Variants in ITSN1 observed in about 807,000 individuals in gnomAD.
ITSN1 encodes intersectin-1.
ITSN1 carries 58 observed loss-of-function variants against 239.8 expected under a neutral mutation model. The observed-to-expected ratio is 0.24, with a 90% confidence interval of 0.20 to 0.30. The LOEUF (loss-of-function observed/expected upper bound fraction) is 0.30. ITSN1 is among the 10% of genes least tolerant of loss of function. The pLI, the probability that ITSN1 is intolerant of heterozygous loss-of-function variation, is 1.00. For synonymous variants in ITSN1, 780 were observed against 770.8 expected, an observed-to-expected ratio of 1.01 and a Z score of -0.20; for missense variants, 1,558 against 2,103.3, an observed-to-expected ratio of 0.74 and a Z score of 5.07.
At chr21:33,845,014 C>T (rs2074947195) in intron 29 of ITSN1, among the ~76,000 whole-genome samples, 2 of 152,118 alleles carry the variant, frequency 1.3e-5, no homozygotes, top group South Asian at 2.1e-4. Flanking sequence ...GTTTACCTCT[C>T]CCGCTGCCCA....
At chr21:33,713,044 AT>A (rs1212876653) in intron 1 of ITSN1, among the ~76,000 whole-genome samples, 1 of 151,312 alleles carries the variant, frequency 6.6e-6, no homozygotes, top group Non-Finnish European at 1.5e-5. Context: ...CGCCCATCTA[AT>A]TTTTGTATTT....
intron 5 of ITSN1, 175 bp downstream of exon 5, chr21:33,735,379 A>G (rs2066433403): frequency 1.4e-6 from 1 of 725,768 alleles, no homozygotes; most frequent in Non-Finnish European, 2.5e-6. Context: ...GCATGTTCAC[A>G]TTTGAACCCT....
At chr21:33,784,166 A>G (rs1260470233) in intron 16 of ITSN1, among the ~76,000 whole-genome samples, 3 of 152,260 alleles carry the variant, frequency 2.0e-5, no homozygotes, top group South Asian at 4.1e-4. Flanking sequence ...AATTAATATG[A>G]TGAGTTTAAA....
chr21:33,849,450 C>T (rs1037964304), intron 29 of ITSN1, among the ~76,000 whole-genome samples: 1 of 151,678 alleles, frequency 6.6e-6, no homozygotes, highest in African/African-American at 2.4e-5. Flanking sequence ...CCTGTAATCC[C>T]AGCTACTCGG....
chr21:33,776,544 CAAAA>C (rs34789155), intron 14 of ITSN1, among the ~76,000 whole-genome samples: 2 of 88,794 alleles, frequency 2.3e-5, no homozygotes, highest in African/African-American at 3.7e-5. Flanking sequence ...AGACCCTGTT[CAAAA>C]AAAAAAAAAA....
At chr21:33,809,422 C>G (rs1019981965) in intron 20 of ITSN1, among the ~76,000 whole-genome samples, 6 of 152,106 alleles carry the variant, frequency 3.9e-5, no homozygotes, top group Admixed American at 3.9e-4. Context: ...TAAGCCTTGC[C>G]TTGCATTCTG....
intron 1 of ITSN1, among the ~76,000 whole-genome samples, chr21:33,710,280 G>A (rs951572430): frequency 3.3e-5 from 5 of 151,728 alleles, no homozygotes; most frequent in African/African-American, 1.2e-4. Flanking sequence ...GGGTTTCACC[G>A]TGTTAGCCAG....
intron 1 of ITSN1, among the ~76,000 whole-genome samples, chr21:33,687,151 G>A (rs761033709): frequency 4.6e-5 from 7 of 151,898 alleles, no homozygotes; most frequent in Non-Finnish European, 7.4e-5. Context: ...GGCCAAAATG[G>A]TGAAACCCTG....
At chr21:33,654,553 C>T (rs2088865069) in intron 1 of ITSN1, among the ~76,000 whole-genome samples, 1 of 152,104 alleles carries the variant, frequency 6.6e-6, no homozygotes, top group Non-Finnish European at 1.5e-5. Context: ...TCAACCTACA[C>T]ATCCAATTTC....
At chr21:33,860,052 A>ATCCCC (rs1225378098) in intron 31 of ITSN1, among the ~76,000 whole-genome samples, 1 of 152,148 alleles carries the variant, frequency 6.6e-6, no homozygotes, top group Non-Finnish European at 1.5e-5. Context: ...CATGCCTGTA[A>ATCCCC]TCCCAGTGCT....
At chr21:33,691,938 G>T (rs1419292947) in intron 1 of ITSN1, among the ~76,000 whole-genome samples, 1 of 152,234 alleles carries the variant, frequency 6.6e-6, no homozygotes, top group African/African-American at 2.4e-5. Flanking sequence ...GGACACATTT[G>T]GTCCATGGCA....
Position 33,747,622 on chromosome 21 carries a change from A to C in ITSN1, c.347-2521A>C, listed in dbSNP as rs148652957. 5.6e-3 allele frequency among the ~76,000 whole-genome samples: 847 copies of C among 152,344 alleles called. 7 individuals carry two copies. The highest frequency in any genetic ancestry group is 0.02 in the African/African-American group (812 of 41,576). ...CAACTCATCATGGATAGGGGAGCAT[A>C]GATATAAATAACAGCAGACTTGTAA... On this transcript the variant is annotated intron_variant, in intron 5 of 39. Transcript: ENST00000381318.
chr21:33,811,147 A>G lies in ITSN1; in HGVS notation c.2492A>G (p.Glu831Gly), dbSNP rs1459798087. The G allele has an allele frequency of 9.3e-6, 15 of 1,607,700 alleles. No homozygotes were observed. Among genetic ancestry groups the G allele is most frequent in the Non-Finnish European group, 1.3e-5 (15 of 1,178,726 alleles). ...SAPAPKLALR[E>G]TPAPLAVTSS... is the part of the protein sequence containing the mutation. ...CCTGCCCCCAAACTGGCCTTGCGTG[A>G]GACCCCCGCCCCTTTGGCAGTAACC... The change falls in exon 21 of 40, where the codon GAG (glutamate) becomes GGG (glycine). Residue 831 changes from glutamate (E) to glycine (G), a missense_variant. By Grantham distance (98) the Glu-to-Gly change is moderately conservative (BLOSUM62 -2). Coordinates refer to ENST00000381318, the MANE Select transcript of ITSN1 (RefSeq NM_003024.3).
At chr21:33,670,711 G>A (rs930561353) in intron 1 of ITSN1, among the ~76,000 whole-genome samples, 3 of 152,162 alleles carry the variant, frequency 2.0e-5, no homozygotes, top group African/African-American at 7.2e-5. Context: ...ATTCATCTCA[G>A]AATTCAAATG....
chr21:33,681,444 G>A (rs966356774), intron 1 of ITSN1, among the ~76,000 whole-genome samples: 11 of 151,862 alleles, frequency 7.2e-5, no homozygotes, highest in African/African-American at 1.9e-4. Flanking sequence ...AGAAAGTAAC[G>A]TATTCTGAGG....
chr21:33,655,583 A>AT (rs756792867), intron 1 of ITSN1, among the ~76,000 whole-genome samples: 5,689 of 126,052 alleles, frequency 0.045, 395 homozygotes, highest in African/African-American at 0.14. Flanking sequence ...TGCCTGGCTA[A>AT]TTTTTTTTTT....
intron 1 of ITSN1, among the ~76,000 whole-genome samples, chr21:33,699,596 A>G (rs185536869): frequency 1.3e-5 from 2 of 152,250 alleles, no homozygotes; most frequent in Admixed American, 6.5e-5. Context: ...GTACACACCT[A>G]TAGTCCCAGC....
At chr21:33,699,426 G>A (rs1200733773) in intron 1 of ITSN1, among the ~76,000 whole-genome samples, 1 of 152,172 alleles carries the variant, frequency 6.6e-6, no homozygotes, top group Non-Finnish European at 1.5e-5. Flanking sequence ...TTTAGAAATA[G>A]ACCTGTTAAA....
intron 34 of ITSN1, among the ~76,000 whole-genome samples, chr21:33,881,958 A>AG (rs1203760321): frequency 2.0e-5 from 3 of 151,702 alleles, no homozygotes; most frequent in Non-Finnish European, 4.4e-5. Flanking sequence ...AAAAAAAAAA[A>AG]AAAAAGAAAA....
Sources: allele counts gnomAD v4.1 joint callset (sites outside exome capture counted in the v4.1 genomes callset), GRCh38; gene constraint gnomAD v4.1.1; transcripts MANE v1.5; gene names NCBI Gene and HGNC (gene_info 2026-07-23, HGNC 2026-07-21).